The following EFR3A variants were observed in gnomAD, a reference collection of about 807,000 sequenced individuals.
The protein encoded by EFR3A is protein EFR3 homolog A.
A neutral mutation model predicts 104.4 loss-of-function variants in EFR3A; 76 were observed. The observed-to-expected ratio is 0.73, with a 90% CI of 0.60 to 0.88. The LOEUF is 0.88. Ranked by LOEUF, EFR3A falls within the 40% of genes least tolerant of loss-of-function variation. EFR3A has a pLI of 0.00. For missense variants in EFR3A, 985 were observed against 1,012.5 expected (o/e 0.97, Z 0.37); for synonymous variants, 330 against 330.0 (o/e 1.00, Z 0.00).
intron 5 of EFR3A, among the ~76,000 whole-genome samples, chr8:131,952,790 T>A (rs2130615222): frequency 6.6e-6 from 1 of 152,190 alleles, no homozygotes; most frequent in East Asian, 1.9e-4. Context: ...CCTCCCATTG[T>A]CCATCTGCTA....
At chr8:131,968,544 T>C in intron 9 of EFR3A, 114 bp downstream of exon 9, 1 of 1,153,686 alleles carries the variant, frequency 8.7e-7, no homozygotes, top group Non-Finnish European at 1.2e-6. Context: ...CATTTTTCGG[T>C]GTACAATAAT....
At chr8:131,989,230 T>A (rs1331297805) in intron 18 of EFR3A, among the ~76,000 whole-genome samples, 2 of 152,198 alleles carry the variant, frequency 1.3e-5, no homozygotes, top group East Asian at 3.8e-4. Context: ...TTTTATGGGA[T>A]ACTGAATCTG....
intron 1 of EFR3A, among the ~76,000 whole-genome samples, chr8:131,933,031 AAAG>A (rs1817689939): frequency 6.6e-6 from 1 of 152,184 alleles, no homozygotes; most frequent in Non-Finnish European, 1.5e-5. Flanking sequence ...GGTTTGCATT[AAAG>A]AAGAAAGTCA....
At chr8:131,954,393 A>G (rs1267340207) in intron 6 of EFR3A, among the ~76,000 whole-genome samples, 1 of 151,886 alleles carries the variant, frequency 6.6e-6, no homozygotes, top group African/African-American at 2.4e-5. Context: ...ATAGCTACCC[A>G]CACTGTATTT....
intron 20 of EFR3A, 77 bp downstream of exon 20, chr8:132,001,884 C>T (rs1466246511): frequency 6.6e-6 from 8 of 1,209,136 alleles, no homozygotes; most frequent in East Asian, 4.7e-5. Context: ...TGACAGAATA[C>T]GTAGAGGGGA....
intron 3 of EFR3A, 51 bp downstream of exon 3, chr8:131,944,923 G>A (rs1041250615): frequency 6.3e-7 from 1 of 1,579,114 alleles, no homozygotes; most frequent in Admixed American, 1.9e-5. Context: ...ATTCTTTCTA[G>A]ACTTTTAAAT....
chr8:131,994,106 G>A lies in EFR3A; in HGVS notation c.2066-2300G>A, dbSNP rs563376326. Among the ~76,000 whole-genome samples the A allele has an allele frequency of 3.0e-4, 46 of 152,198 alleles. No individual in the cohort carries two copies. The Middle Eastern group carries it at 0.01, about 34-fold the overall frequency. On this transcript the variant is annotated intron_variant, in intron 18 of 22. Coordinates refer to ENST00000254624, the MANE Select transcript of EFR3A (RefSeq NM_015137.6). ...AAGTTAAAAAAAATTAACTGGGCAC[G>A]GTGGCACATGCCTGTAGTCCTGACT...
intron 1 of EFR3A, among the ~76,000 whole-genome samples, chr8:131,935,237 G>C (rs1250568067): frequency 6.6e-6 from 1 of 152,094 alleles, no homozygotes; most frequent in Non-Finnish European, 1.5e-5. Context: ...GATTTTTATA[G>C]CGTATAGGAG....
intron 18 of EFR3A, among the ~76,000 whole-genome samples, chr8:131,992,609 A>G (rs1821248925): frequency 1.3e-5 from 2 of 152,204 alleles, no homozygotes; most frequent in African/African-American, 4.8e-5. Flanking sequence ...AGGGACAAGT[A>G]GAAATAATTG....
At chr8:132,008,846 C>CAAAAAAAAAAAAAAAAAAAAAAAA (rs55964352) in intron 22 of EFR3A, among the ~76,000 whole-genome samples, 1 of 32,166 alleles carries the variant, frequency 3.1e-5, no homozygotes, top group Non-Finnish European at 5.9e-5. Flanking sequence ...AACTCCATCT[C>CAAAAAAAAAAAAAAAAAAAAAAAA]AAAAAAAAAA....
At chr8:131,968,215 A>T in intron 8 of EFR3A, 80 bp from the exon 9 acceptor site, 1 of 1,364,238 alleles carries the variant, frequency 7.3e-7, no homozygotes, top group Non-Finnish European at 1.0e-6. Flanking sequence ...TTTACGTGTC[A>T]GGTGTTTTTT....
chr8:131,952,514 A>G (rs552960510), intron 5 of EFR3A, among the ~76,000 whole-genome samples: 3 of 152,256 alleles, frequency 2.0e-5, no homozygotes, highest in East Asian at 3.9e-4. Flanking sequence ...ACAAGGCATG[A>G]TAAAAGTTTC....
At chr8:131,978,029 A>G (rs1820411364) in intron 12 of EFR3A, among the ~76,000 whole-genome samples, 1 of 152,144 alleles carries the variant, frequency 6.6e-6, no homozygotes, top group Non-Finnish European at 1.5e-5. Context: ...ATGGGTAGAC[A>G]GTTGTCCCAC....
In EFR3A at chr8:131,950,088, A is replaced by G. The variant is rs1430429778; in HGVS notation, c.486A>G (p.Thr162=). ...GTCATAGTGATCCAGAAATACGAAC[A>G]GAGTATGTATTATTTTACTTTATGA... is the stretch of plus-strand genomic sequence containing the variant. The part of the protein sequence containing the change: ...HSCHSDPEIR[T]EIRIAGIRGI... Residue 162 remains threonine (T), a splice_region_variant and synonymous_variant, in exon 5 of 23, where the codon ACA becomes ACG. Coordinates refer to ENST00000254624, the MANE Select transcript of EFR3A (RefSeq NM_015137.6). 6.2e-7 allele frequency: 1 copy of G among 1,604,294 alleles called. No homozygotes were observed. The highest frequency in any genetic ancestry group is 8.5e-7 in the Non-Finnish European group (1 of 1,174,712).
chr8:131,933,390 G>T (rs992767294), intron 1 of EFR3A, among the ~76,000 whole-genome samples: 3 of 152,094 alleles, frequency 2.0e-5, no homozygotes, highest in African/African-American at 7.2e-5. Context: ...CCTGGTTGCA[G>T]CTTTGGTTTC....
chr8:131,948,416 A>G (rs796885794), intron 4 of EFR3A, among the ~76,000 whole-genome samples: 60 of 152,278 alleles, frequency 3.9e-4, no homozygotes, highest in African/African-American at 1.4e-3. Flanking sequence ...ACTGTTAGTT[A>G]TTACTGGTAG....
intron 19 of EFR3A, among the ~76,000 whole-genome samples, chr8:131,999,510 A>G (rs1203398758): frequency 6.6e-6 from 1 of 152,232 alleles, no homozygotes; most frequent in African/African-American, 2.4e-5. Context: ...TATAAAGGGA[A>G]TGTTGAAATT....
intron 10 of EFR3A, 91 bp downstream of exon 10, chr8:131,970,734 C>A: frequency 1.6e-6 from 2 of 1,233,628 alleles, no homozygotes; most frequent in Admixed American, 2.6e-5. Flanking sequence ...GTACATTTGT[C>A]AAAGATGAAT....
At position 131,996,442 on chromosome 8, in the gene EFR3A, A is replaced by G. The variant is rs1467075156; in HGVS notation, c.2102A>G (p.Asp701Gly). The G allele has an allele frequency of 6.3e-7, 1 of 1,598,630 alleles. No homozygotes were observed. The highest frequency in any genetic ancestry group is 1.3e-5 in the African/African-American group (1 of 74,444). ...DRLSRRKSIV[D>G]TVSIQVDILS... is the part of the protein sequence containing the mutation. Reference sequence around the variant, plus strand: ...CTTTCTAGAAGAAAAAGCATTGTGGACACCGTATCCATTCAGGTGGATATT... The same window carrying G: ...CTTTCTAGAAGAAAAAGCATTGTGGGCACCGTATCCATTCAGGTGGATATT... Residue 701 changes from aspartate to glycine, a missense_variant, in exon 19 of 23, where the codon GAC becomes GGC. Coordinates refer to ENST00000254624, the MANE Select transcript of EFR3A (RefSeq NM_015137.6).
Sources: gnomAD v4.1 joint callset for allele counts (sites outside exome capture counted in the v4.1 genomes callset) on GRCh38, gnomAD v4.1.1 for gene constraint, MANE v1.5 for transcripts, NCBI Gene and HGNC (gene_info 2026-07-23, HGNC 2026-07-21) for gene names.